The following COL6A6 variants were observed in gnomAD, a reference collection of about 807,000 sequenced individuals.
The protein encoded by COL6A6 is collagen alpha-6(VI) chain.
COL6A6 carries 183 observed loss-of-function variants against 208.6 expected under a neutral mutation model. The ratio of observed to expected loss-of-function variants is 0.88; its 90% CI spans 0.78 to 0.99. The LOEUF (loss-of-function observed/expected upper bound fraction) is 0.99, where lower values mean the gene tolerates loss of function less well. Among genes scored for constraint, COL6A6 ranks in the 50% least tolerant of loss-of-function variants. COL6A6 has a pLI of 0.00. For synonymous variants in COL6A6, 973 were observed against 1,011.8 expected (o/e 0.96, Z 0.73); for missense variants, 2,816 against 2,815.2 (o/e 1.00, Z -0.01).
intron 1 of COL6A6, among the ~76,000 whole-genome samples, chr3:130,543,512 CTTT>C (rs2062422934): frequency 6.6e-6 from 1 of 152,058 alleles, no homozygotes; most frequent in African/African-American, 2.4e-5. Context: ...GTTACACTTC[CTTT>C]TTTTACGCTG....
intron 12 of COL6A6, 126 bp downstream of exon 12, chr3:130,589,308 C>T: frequency 1.0e-5 from 6 of 592,284 alleles, no homozygotes; most frequent in Non-Finnish European, 1.8e-5. Flanking sequence ...GTTTATTATA[C>T]TCCTCTTTTT....
intron 32 of COL6A6, among the ~76,000 whole-genome samples, chr3:130,646,826 T>G (rs902632391): frequency 6.6e-5 from 10 of 152,306 alleles, no homozygotes; most frequent in African/African-American, 1.2e-4. Context: ...TTAAAGAGTA[T>G]GTTGAAAGTA....
At chr3:130,646,072 C>G (rs1356609882) in intron 32 of COL6A6, among the ~76,000 whole-genome samples, 1 of 152,098 alleles carries the variant, frequency 6.6e-6, no homozygotes, top group Non-Finnish European at 1.5e-5. Flanking sequence ...AAGGGAAGCC[C>G]AGCACATTAG....
At chr3:130,594,371 T>C in intron 18 of COL6A6, 28 bp downstream of exon 18, 4 of 1,581,100 alleles carry the variant, frequency 2.5e-6, no homozygotes, top group Non-Finnish European at 3.5e-6. Flanking sequence ...AAACTGGAGT[T>C]AGGGCTTGAT....
intron 23 of COL6A6, among the ~76,000 whole-genome samples, chr3:130,618,039 A>G (rs781007138): frequency 1.3e-5 from 2 of 152,192 alleles, no homozygotes; most frequent in Non-Finnish European, 1.5e-5. Context: ...AAAAAGTGGG[A>G]CAATCAAGTC....
chr3:130,548,205 T>C (rs983608384), intron 1 of COL6A6, among the ~76,000 whole-genome samples: 2 of 152,210 alleles, frequency 1.3e-5, no homozygotes, highest in South Asian at 2.1e-4. Flanking sequence ...TTTTAGAAAG[T>C]CTTGTAATTT....
In COL6A6 at chr3:130,598,843, G is replaced by A. The variant is rs748222441; in HGVS notation, c.4599+413G>A. Among the ~76,000 whole-genome samples the A allele has an allele frequency of 2.2e-4, 34 of 152,204 alleles. 1 individual carries two copies. Among genetic ancestry groups the A allele is most frequent in the Non-Finnish European group, 1.9e-4 (13 of 68,032 alleles). On this transcript the variant is annotated intron_variant, in intron 19 of 36. Coordinates refer to ENST00000358511, the MANE Select transcript of COL6A6 (RefSeq NM_001102608.3). ...AAAGAACAAGATCTGGTAGATAGAC[G>A]TGGTCCACACAATCAAGAAAAGTTC...
chr3:130,674,272 G>A (rs1257656154), intron 36 of COL6A6, among the ~76,000 whole-genome samples: 1 of 152,180 alleles, frequency 6.6e-6, no homozygotes, highest in East Asian at 1.9e-4. Flanking sequence ...TACATTTCAA[G>A]TGCTCAAAAG....
chr3:130,605,920 T>A (rs2064169748), intron 20 of COL6A6, among the ~76,000 whole-genome samples: 1 of 152,168 alleles, frequency 6.6e-6, no homozygotes, highest in Admixed American at 6.5e-5. Flanking sequence ...ACTTATTCAC[T>A]TCCATGAGAA....
intron 10 of COL6A6, among the ~76,000 whole-genome samples, chr3:130,585,766 T>C (rs2063525833): frequency 6.6e-6 from 1 of 152,198 alleles, no homozygotes; most frequent in Admixed American, 6.5e-5. Flanking sequence ...TGATGTCTTA[T>C]CAGATCGTAC....
intron 8 of COL6A6, among the ~76,000 whole-genome samples, chr3:130,579,655 T>C (rs1341725875): frequency 1.3e-5 from 2 of 152,254 alleles, no homozygotes; most frequent in African/African-American, 4.8e-5. Flanking sequence ...ATTATTTCTT[T>C]GGAAATCCAA....
At chr3:130,655,663 C>G (rs910706739) in intron 33 of COL6A6, among the ~76,000 whole-genome samples, 2 of 152,152 alleles carry the variant, frequency 1.3e-5, no homozygotes, top group African/African-American at 2.4e-5. Flanking sequence ...ATTTGTGATA[C>G]CAAAGTGTTA....
chr3:130,536,791 T>C (rs752931916), intron 1 of COL6A6, among the ~76,000 whole-genome samples: 3 of 152,210 alleles, frequency 2.0e-5, no homozygotes, highest in African/African-American at 7.2e-5. Flanking sequence ...GGGTTTTGAG[T>C]AGATGTGAAA....
intron 13 of COL6A6, 75 bp from the exon 14 acceptor site, chr3:130,592,466 A>G (rs971760786): frequency 9.7e-6 from 12 of 1,242,196 alleles, no homozygotes; most frequent in Non-Finnish European, 1.4e-5. Flanking sequence ...TTGGTAACAA[A>G]AAACTTGTCA....
In COL6A6 at chr3:130,565,023, G is replaced by T; in HGVS notation, c.691G>T (p.Val231Leu). Residue 231 changes from valine (V) to leucine (L), a missense_variant, in exon 4 of 37, where the codon GTG becomes TTG. By Grantham distance (32) the Val-to-Leu change is conservative (BLOSUM62 1). Transcript: ENST00000358511. ...ACQGPSMADV[V>L]FLLDMSINGS... is the part of the protein sequence containing the mutation. The stretch of plus-strand genomic sequence containing the variant: ...CCAAGGCCCTTCTATGGCCGATGTT[G>T]TGTTCCTATTGGATATGTCAATCAA... 6.2e-7 allele frequency: 1 copy of T among 1,613,980 alleles called. No homozygotes were observed. The highest frequency in any genetic ancestry group is 8.5e-7 in the Non-Finnish European group (1 of 1,179,864).
At chr3:130,560,455 A>C (rs2062858037) in intron 2 of COL6A6, 27 bp downstream of exon 2, 2 of 1,570,286 alleles carry the variant, frequency 1.3e-6, no homozygotes, top group Non-Finnish European at 1.7e-6. Flanking sequence ...AAGAATTCTT[A>C]ATTTTGATTA....
intron 7 of COL6A6, 87 bp downstream of exon 7, chr3:130,571,480 T>TG: frequency 2.1e-6 from 2 of 942,026 alleles, no homozygotes; most frequent in Non-Finnish European, 3.1e-6. Flanking sequence ...AGGAACAAGT[T>TG]TTCCAGAGAG....
At chr3:130,626,662 G>C in intron 25 of COL6A6, 115 bp downstream of exon 25, 1 of 751,514 alleles carries the variant, frequency 1.3e-6, no homozygotes, top group Non-Finnish European at 2.3e-6. Flanking sequence ...AAGTTTTATA[G>C]TTTTATAGAA....
intron 8 of COL6A6, among the ~76,000 whole-genome samples, chr3:130,578,695 G>A (rs1312508465): frequency 2.0e-5 from 3 of 152,148 alleles, no homozygotes; most frequent in Non-Finnish European, 4.4e-5. Context: ...ACTGGGTTGC[G>A]TTATCCAGCC....
Sources: gnomAD v4.1 joint callset for allele counts (sites outside exome capture counted in the v4.1 genomes callset) on GRCh38, gnomAD v4.1.1 for gene constraint, MANE v1.5 for transcripts, NCBI Gene and HGNC (gene_info 2026-07-23, HGNC 2026-07-21) for gene names.